The following TERF2IP variants were observed in gnomAD, a reference collection of about 807,000 sequenced individuals.
The protein encoded by TERF2IP is telomeric repeat-binding factor 2-interacting protein 1.
A neutral mutation model predicts 33.3 loss-of-function variants in TERF2IP; 35 were observed. The ratio of observed to expected loss-of-function variants is 1.05; its 90% CI spans 0.80 to 1.39. The LOEUF (loss-of-function observed/expected upper bound fraction) is 1.39. Among genes scored for constraint, TERF2IP ranks in the 40% most tolerant of loss-of-function variants. The pLI, the probability that TERF2IP is intolerant of heterozygous loss-of-function variation, is 0.00. For missense variants in TERF2IP, 583 were observed against 524.8 expected (o/e 1.11, Z -1.08); for synonymous variants, 253 against 223.2 (o/e 1.13, Z -1.19).
At chr16:75,653,288 C>G (rs1313711495) in intron 1 of TERF2IP, among the ~76,000 whole-genome samples, 1 of 152,140 alleles carries the variant, frequency 6.6e-6, no homozygotes, top group Non-Finnish European at 1.5e-5. Context: ...CCTAGAAATG[C>G]AATTGCTGGA....
At chr16:75,654,193 C>G (rs1597188464) in intron 1 of TERF2IP, 80 bp from the exon 2 acceptor site, 2 of 1,322,304 alleles carry the variant, frequency 1.5e-6, no homozygotes, top group East Asian at 5.1e-5. Context: ...CACTCCTGGC[C>G]CAGAGCTCAC....
intron 2 of TERF2IP, among the ~76,000 whole-genome samples, chr16:75,655,861 ATATGTGTCTCTCTCTT>A (rs574109873): frequency 1.3e-3 from 196 of 152,318 alleles, no homozygotes; most frequent in Non-Finnish European, 2.0e-3. Context: ...GTGTGCACAT[ATATGTGTCTCTCTCTT>A]TATATATACA....
In TERF2IP at chr16:75,647,798, TCTGCGGTGACAG is replaced by T. The variant is rs1174354567; in HGVS notation, c.-82_-71del. 21 of 1,590,382 alleles carry T rather than the reference TCTGCGGTGACAG, an allele frequency of 1.3e-5. No homozygotes were observed. Among genetic ancestry groups the T allele is most frequent in the Non-Finnish European group, 1.5e-5 (17 of 1,161,594 alleles). On this transcript the variant is annotated 5_prime_UTR_variant, in exon 1 of 3. Transcript: ENST00000300086. The stretch of plus-strand genomic sequence containing the variant: ...AGTGCTGCGCTTCGCGGCAGAGGCG[TCTGCGGTGACAG>T]CTCAGTCAGTTGAGCTCTGTGTGCC...
intron 1 of TERF2IP, 117 bp from the exon 2 acceptor site, chr16:75,654,156 A>C: frequency 1.2e-6 from 1 of 852,918 alleles, no homozygotes; most frequent in East Asian, 3.6e-5. Context: ...AGTAAAAAAA[A>C]AAAAAAAAAA....
chr16:75,651,561 C>T lies in TERF2IP; in HGVS notation c.671-2712C>T, dbSNP rs182490769. On this transcript the variant is annotated intron_variant, in intron 1 of 2. Coordinates refer to ENST00000300086, the MANE Select transcript of TERF2IP (RefSeq NM_018975.4). ...AAAACTATCCAGGCATGGTGGCATG[C>T]GCCTGTAATCGCAGCTACTCAGGCA... 2.8e-3 allele frequency among the ~76,000 whole-genome samples: 420 copies of T among 152,140 alleles called. 6 individuals carry two copies. Among genetic ancestry groups the T allele is most frequent in the Non-Finnish European group, 1.0e-3 (69 of 67,984 alleles).
At chr16:75,648,626 C>G (rs1055519922) in intron 1 of TERF2IP, 74 bp downstream of exon 1, 3 of 1,449,880 alleles carry the variant, frequency 2.1e-6, no homozygotes, top group African/African-American at 1.4e-5. Flanking sequence ...GGCTGCCTGG[C>G]GTCCATCTTG....
intron 1 of TERF2IP, among the ~76,000 whole-genome samples, chr16:75,649,055 G>A (rs914286559): frequency 4.0e-5 from 6 of 149,450 alleles, no homozygotes; most frequent in African/African-American, 1.5e-4. Context: ...TTGTAGAGAT[G>A]GGGGTCTCGT....
At chr16:75,648,589 C>G (rs1339968965) in intron 1 of TERF2IP, 37 bp downstream of exon 1, 1 of 1,492,918 alleles carries the variant, frequency 6.7e-7, no homozygotes, top group Admixed American at 2.2e-5. Context: ...CGGATATCTG[C>G]GCGGGTGGGG....
At position 75,656,314 on chromosome 16, in the gene TERF2IP, A is replaced by G. The variant is rs772191789; in HGVS notation, c.903A>G (p.Glu301=). 2.5e-6 allele frequency: 4 copies of G among 1,614,230 alleles called. No individual in the cohort carries two copies. Among genetic ancestry groups the G allele is most frequent in the Non-Finnish European group, 3.4e-6 (4 of 1,180,046 alleles). The change falls in exon 3 of 3, where the codon GAA becomes GAG. Residue 301 remains glutamate (E), a synonymous_variant. Transcript: ENST00000300086. ...CACAGCCTGATGAGGAGGAAGAAGA[A>G]GAAGAAGAAAAAGTTTCTCAACCAG... The part of the protein sequence containing the change: ...SETQPDEEEE[E]EEEKVSQPEV...
At chr16:75,655,989 G>A (rs191759695) in intron 2 of TERF2IP, among the ~76,000 whole-genome samples, 4 of 147,614 alleles carry the variant, frequency 2.7e-5, no homozygotes, top group East Asian at 4.1e-4. Context: ...TCACACACAC[G>A]TGCACACACA....
chr16:75,652,644 C>A (rs1251049935), intron 1 of TERF2IP, among the ~76,000 whole-genome samples: 1 of 152,158 alleles, frequency 6.6e-6, no homozygotes, highest in African/African-American at 2.4e-5. Context: ...TAAATACATA[C>A]AGTAAAATTA....
intron 2 of TERF2IP, among the ~76,000 whole-genome samples, chr16:75,655,212 T>G (rs942173854): frequency 2.0e-5 from 3 of 152,218 alleles, no homozygotes; most frequent in African/African-American, 4.8e-5. Context: ...TCAAGCAAAT[T>G]TAGCTTTTTG....
intron 1 of TERF2IP, among the ~76,000 whole-genome samples, chr16:75,652,133 T>A (rs889012136): frequency 3.3e-5 from 5 of 152,216 alleles, no homozygotes; most frequent in African/African-American, 1.2e-4. Context: ...AATGGGTACA[T>A]ACTGAAAAGG....
chr16:75,649,907 C>G (rs2082334637), intron 1 of TERF2IP, among the ~76,000 whole-genome samples: 1 of 152,182 alleles, frequency 6.6e-6, no homozygotes, highest in African/African-American at 2.4e-5. Context: ...CCGATAGACC[C>G]TTTTGTTTAA....
intron 1 of TERF2IP, among the ~76,000 whole-genome samples, chr16:75,653,791 A>G (rs1022347079): frequency 1.3e-5 from 2 of 152,130 alleles, no homozygotes; most frequent in Non-Finnish European, 2.9e-5. Context: ...AGAGTTGCCC[A>G]TGGTTTTGGC....
At chr16:75,655,038 G>A (rs997183382) in intron 2 of TERF2IP, among the ~76,000 whole-genome samples, 1 of 141,654 alleles carries the variant, frequency 7.1e-6, no homozygotes, top group Non-Finnish European at 1.5e-5. Context: ...TTTTTTTGAG[G>A]TGGAGTCTCA....
intron 1 of TERF2IP, among the ~76,000 whole-genome samples, chr16:75,651,708 G>A (rs1261286689): frequency 6.6e-6 from 1 of 151,930 alleles, no homozygotes; most frequent in Non-Finnish European, 1.5e-5. Context: ...AAAAGAAGAA[G>A]AAAGAAAGTA....
At position 75,648,199 on chromosome 16, in the gene TERF2IP, CGGCGGACACCGGCTCGGA is replaced by C. The variant is rs1185902353; in HGVS notation, c.318_335del (p.Asp108_Ala113del). 3 of 1,547,212 alleles carry C rather than the reference CGGCGGACACCGGCTCGGA, an allele frequency of 1.9e-6. No individual in the cohort carries two copies. In the Admixed American group the frequency reaches 6.0e-5, roughly 31 times the overall value. On this transcript the variant is annotated inframe_deletion, in exon 1 of 3. Coordinates refer to ENST00000300086, the MANE Select transcript of TERF2IP (RefSeq NM_018975.4). The stretch of plus-strand genomic sequence containing the variant: ...GCCTATCGGCTGGGCCCCGCCTCGG[CGGCGGACACCGGCTCGGA>C]AGCAAAGCCCGGGGCCCTGGCCGAG...
intron 1 of TERF2IP, among the ~76,000 whole-genome samples, chr16:75,652,455 G>A (rs2082354494): frequency 6.6e-6 from 1 of 152,076 alleles, no homozygotes; most frequent in African/African-American, 2.4e-5. Flanking sequence ...GAACTATACT[G>A]CATATACCCA....
Sources: gnomAD v4.1 joint callset for allele counts (sites outside exome capture counted in the v4.1 genomes callset) on GRCh38, gnomAD v4.1.1 for gene constraint, MANE v1.5 for transcripts, NCBI Gene and HGNC (gene_info 2026-07-23, HGNC 2026-07-21) for gene names.